The following CIT variants were observed in gnomAD, a reference collection of about 807,000 sequenced individuals.
CIT encodes citron Rho-interacting kinase.
A neutral mutation model predicts 272.7 loss-of-function variants in CIT; 79 were observed. That is an observed-to-expected ratio of 0.29 (90% CI 0.24 to 0.35). CIT has a LOEUF of 0.35. CIT is among the 10% of genes least tolerant of loss of function. The probability of loss-of-function intolerance (pLI) is 1.00; values close to 1 mark genes in which losing one functional copy is unlikely to be tolerated. For synonymous variants in CIT, 948 were observed against 995.6 expected (o/e 0.95, Z 0.90); for missense variants, 1,909 against 2,618.3 (o/e 0.73, Z 5.91).
chr12:119,786,923 A>G (rs977163880), intron 10 of CIT, among the ~76,000 whole-genome samples: 3 of 152,258 alleles, frequency 2.0e-5, no homozygotes, highest in Admixed American at 6.5e-5. Flanking sequence ...GAAGTTCAAG[A>G]CGGGCCTGGG....
intron 26 of CIT, 60 bp from the exon 27 acceptor site, chr12:119,730,690 A>G: frequency 6.4e-7 from 1 of 1,574,316 alleles, no homozygotes. Context: ...TGCGGAAAGA[A>G]GGCTGGTCCG....
intron 5 of CIT, among the ~76,000 whole-genome samples, chr12:119,846,446 TG>T (rs1372413635): frequency 6.6e-6 from 1 of 152,178 alleles, no homozygotes; most frequent in African/African-American, 2.4e-5. Context: ...TATGAGTTTA[TG>T]GAGCAGTGCA....
At chr12:119,847,356 G>A (rs1969885907) in intron 5 of CIT, among the ~76,000 whole-genome samples, 1 of 152,194 alleles carries the variant, frequency 6.6e-6, no homozygotes, top group Non-Finnish European at 1.5e-5. Context: ...CACTTTGGGA[G>A]GCCAAGACGG....
chr12:119,759,376 G>A (rs1260325969), intron 20 of CIT, among the ~76,000 whole-genome samples: 2 of 152,330 alleles, frequency 1.3e-5, no homozygotes, highest in Admixed American at 6.5e-5. Flanking sequence ...GCCGGGCGCG[G>A]CGGCTTAGCC....
chr12:119,772,938 G>T, intron 16 of CIT, 28 bp from the exon 17 acceptor site: 2 of 1,598,792 alleles, frequency 1.3e-6, no homozygotes, highest in South Asian at 2.2e-5. Context: ...AAAGGAGATA[G>T]GTGGGCAAAT....
At chr12:119,788,759 C>A (rs1010866622) in intron 10 of CIT, among the ~76,000 whole-genome samples, 1 of 152,192 alleles carries the variant, frequency 6.6e-6, no homozygotes, top group Admixed American at 6.5e-5. Flanking sequence ...CGAAAGAGAC[C>A]ATGCGACAGC....
intron 42 of CIT, 38 bp downstream of exon 42, chr12:119,701,812 G>A (rs775167132): frequency 1.9e-6 from 3 of 1,614,052 alleles, no homozygotes; most frequent in African/African-American, 1.3e-5. Flanking sequence ...AGCGCGGCCT[G>A]AGCCATGGGT....
intron 4 of CIT, among the ~76,000 whole-genome samples, chr12:119,852,898 T>C (rs1386021161): frequency 1.3e-5 from 2 of 152,124 alleles, no homozygotes; most frequent in East Asian, 3.8e-4. Context: ...AGTGTGTGTG[T>C]ATCTATCAAA....
chr12:119,790,244 C>T (rs1030121038), intron 10 of CIT, among the ~76,000 whole-genome samples: 12 of 151,634 alleles, frequency 7.9e-5, no homozygotes, highest in Non-Finnish European at 1.6e-4. Context: ...CAAATATAGC[C>T]CTGTCCTCTT....
intron 22 of CIT, 113 bp from the exon 23 acceptor site, chr12:119,752,360 C>T: frequency 1.0e-6 from 1 of 984,600 alleles, no homozygotes; most frequent in Non-Finnish European, 1.5e-6. Context: ...GGTCTTGGAA[C>T]CACCTTCTCG....
At position 119,715,147 on chromosome 12, in the gene CIT, G is replaced by A. The variant is rs143099848; in HGVS notation, c.4169-813C>T. On this transcript the variant is annotated intron_variant, in intron 32 of 47. Coordinates refer to ENST00000392521, the MANE Select transcript of CIT (RefSeq NM_001206999.2). The stretch of plus-strand genomic sequence containing the variant: ...TTGGTTCTTATTCTCTTTTGTCACC[G>A]CCACATGAGACATGCCTTTTGCCTT... 2.8e-3 allele frequency among the ~76,000 whole-genome samples: 425 copies of A among 152,270 alleles called. 1 individual carries two copies. The highest frequency in any genetic ancestry group is 9.2e-3 in the African/African-American group (384 of 41,548).
chr12:119,813,209 C>T (rs926515475), intron 9 of CIT, among the ~76,000 whole-genome samples: 2 of 152,190 alleles, frequency 1.3e-5, no homozygotes, highest in African/African-American at 4.8e-5. Context: ...TGTGTGTGTC[C>T]TTTATAAGTC....
intron 4 of CIT, among the ~76,000 whole-genome samples, 161 bp downstream of exon 4, chr12:119,857,362 G>A: frequency 6.6e-6 from 1 of 152,200 alleles, no homozygotes; most frequent in East Asian, 1.9e-4. Flanking sequence ...TCAAGAAGAT[G>A]AGCTAAGAAC....
At chr12:119,810,706 GAA>G (rs5801367) in intron 9 of CIT, among the ~76,000 whole-genome samples, 2,343 of 100,246 alleles carry the variant, frequency 0.023, 50 homozygotes, top group East Asian at 0.14. Context: ...CATCATCTCA[GAA>G]AAAAAAAAAA....
rs767038697 is a variant in CIT at position 119,713,768 on chromosome 12, G to T, written c.4307-120C>A. 4 of 1,060,898 alleles carry T rather than the reference G, an allele frequency of 3.8e-6. No homozygotes were observed. The South Asian group carries it at 4.2e-5, about 11-fold the overall frequency. 65.7% of individuals were successfully genotyped at this position (1,060,898 alleles called of 1,614,324 possible). On this transcript the variant is annotated intron_variant, in intron 33 of 47. Coordinates refer to ENST00000392521, the MANE Select transcript of CIT (RefSeq NM_001206999.2). This position sits in a 1 kb window ranked among gnomAD's most constrained non-coding sequence, Gnocchi z 5.2. ...GCCGGGCCCAGAGAGTCTGGCCCTG[G>T]CTTGCAGGTAGTCTCCTGAGCTTCC...
At position 119,710,342 on chromosome 12, in the gene CIT, G is replaced by C; in HGVS notation, c.4980C>G (p.Val1660=). 1 of 1,614,184 alleles carries C rather than the reference G, an allele frequency of 6.2e-7. No individual in the cohort carries two copies. Among genetic ancestry groups the C allele is most frequent in the South Asian group, 1.1e-5 (1 of 91,084 alleles). ...GGACATGGGTTAGGGAGTTTTTCAA[G>C]ACATTCAGGGCGTAGAGCCCTTCCT... ...GTEEGLYALN[V]LKNSLTHVPG... Residue 1660 remains valine, a synonymous_variant, in exon 39 of 48, where the codon GTC becomes GTG. Transcript: ENST00000392521. The surrounding 1 kb of genome is among the most constrained non-coding windows in gnomAD (Gnocchi z 5.6).
intron 26 of CIT, among the ~76,000 whole-genome samples, chr12:119,733,730 C>T (rs1410944043): frequency 6.6e-6 from 1 of 151,858 alleles, no homozygotes; most frequent in Non-Finnish European, 1.5e-5. Context: ...CACAGGACAG[C>T]CCCCATAACA....
chr12:119,876,519 T>A (rs1254928066), intron 1 of CIT, among the ~76,000 whole-genome samples: 2 of 152,206 alleles, frequency 1.3e-5, no homozygotes, highest in Admixed American at 6.5e-5. Context: ...ATTAAATGAA[T>A]GACTGAAATA....
chr12:119,718,764 C>T lies in CIT; in HGVS notation c.3938G>A (p.Arg1313His), dbSNP rs1430335747. 7.4e-6 allele frequency: 12 copies of T among 1,614,020 alleles called. No homozygotes were observed. Among genetic ancestry groups the T allele is most frequent in the Non-Finnish European group, 1.0e-5 (12 of 1,180,030 alleles). Residue 1313 changes from arginine to histidine, a missense_variant, in exon 31 of 48, where the codon CGC becomes CAC. Transcript: ENST00000392521. This position sits in a 1 kb window ranked among gnomAD's most constrained non-coding sequence, Gnocchi z 4.8. ...AAGGGCTTCCTCTAGCTCTGCACAG[C>T]GAGCTTTCTCCTTCTCCAGGGCCAG... ...LKLALEKEKARCAELEEALQK... is the reference protein window; with the variant it reads ...LKLALEKEKAHCAELEEALQK...
Sources: gnomAD v4.1 joint callset for allele counts (sites outside exome capture counted in the v4.1 genomes callset) on GRCh38, gnomAD v4.1.1 for gene constraint, Gnocchi (gnomAD v3.1) non-coding constraint, MANE v1.5 for transcripts, NCBI Gene and HGNC (gene_info 2026-07-23, HGNC 2026-07-21) for gene names.